Variants in NXPE2 observed in about 807,000 individuals in gnomAD.
NXPE2 encodes the protein neurexophilin and PC-esterase domain family member 2.
A neutral mutation model predicts 34.4 loss-of-function variants in NXPE2; 34 were observed. The ratio of observed to expected loss-of-function variants is 0.99; its 90% confidence interval spans 0.75 to 1.31. The LOEUF is 1.31. Among genes scored for constraint, NXPE2 ranks in the 40% most tolerant of loss-of-function variants. NXPE2 has a pLI of 0.00. For missense variants in NXPE2, 649 were observed against 672.5 expected (o/e 0.97, Z 0.39); for synonymous variants, 235 against 231.3 (o/e 1.02, Z -0.15).
intron 2 of NXPE2, among the ~76,000 whole-genome samples, chr11:114,690,635 C>A (rs1951132232): frequency 6.6e-6 from 1 of 152,120 alleles, no homozygotes; most frequent in South Asian, 2.1e-4. Flanking sequence ...ATCTGCATGT[C>A]AACCTTTCTA....
chr11:114,572,707 G>T, the NXPE2 span, among the ~76,000 whole-genome samples: 1 of 152,120 alleles, frequency 6.6e-6, no homozygotes, highest in Non-Finnish European at 1.5e-5. Context: ...CAAGAAGTTT[G>T]GGAGTATGCT....
chr11:114,746,368 CTTT>C, the NXPE2 span, among the ~76,000 whole-genome samples: 1 of 152,190 alleles, frequency 6.6e-6, no homozygotes, highest in Non-Finnish European at 1.5e-5. Flanking sequence ...AAAACAACAA[CTTT>C]TAAAACACCT....
the NXPE2 span, among the ~76,000 whole-genome samples, chr11:114,492,941 C>G: frequency 2.0e-5 from 3 of 152,130 alleles, no homozygotes; most frequent in Admixed American, 2.0e-4. Context: ...AGTTTTTGTT[C>G]TCTTTAGCTC....
the NXPE2 span, among the ~76,000 whole-genome samples, chr11:114,647,181 T>C: frequency 2.0e-5 from 3 of 152,230 alleles, no homozygotes; most frequent in Non-Finnish European, 4.4e-5. Context: ...AATGGATATT[T>C]ATCACTGCTA....
At chr11:114,582,687 G>C in the NXPE2 span, 5 of 1,614,116 alleles carry the variant, frequency 3.1e-6, no homozygotes, top group Middle Eastern at 3.3e-4. Flanking sequence ...CAGCGCTGGG[G>C]AAGACATCCT....
the NXPE2 span, among the ~76,000 whole-genome samples, chr11:114,476,610 G>GAAGC: frequency 3.3e-5 from 5 of 152,174 alleles, no homozygotes; most frequent in African/African-American, 1.2e-4. Context: ...AGGTGAAGGG[G>GAAGC]AAGCAAGCAC....
At chr11:114,807,764 T>C in the NXPE2 span, among the ~76,000 whole-genome samples, 4 of 151,828 alleles carry the variant, frequency 2.6e-5, no homozygotes, top group Non-Finnish European at 5.9e-5. Flanking sequence ...CACCCCACTG[T>C]CAACATTAGA....
chr11:114,743,552 A>C, the NXPE2 span, among the ~76,000 whole-genome samples: 1 of 151,772 alleles, frequency 6.6e-6, no homozygotes. Flanking sequence ...TAGAATTTAC[A>C]AAACTTGCAT....
the NXPE2 span, among the ~76,000 whole-genome samples, chr11:114,723,399 A>G: frequency 2.0e-5 from 3 of 152,180 alleles, no homozygotes; most frequent in East Asian, 5.8e-4. Context: ...TATTAATCCA[A>G]GGTGTGGAAA....
the NXPE2 span, among the ~76,000 whole-genome samples, chr11:114,742,214 G>C: frequency 1.3e-5 from 2 of 152,146 alleles, no homozygotes; most frequent in Non-Finnish European, 2.9e-5. Context: ...GGTTGTGCAG[G>C]AAGTCAGCAT....
At chr11:114,554,063 T>C in the NXPE2 span, 1 of 985,488 alleles carries the variant, frequency 1.0e-6, no homozygotes, top group Admixed American at 6.1e-5. Flanking sequence ...GTGAATGGTA[T>C]CCCAAATCAG....
At chr11:114,810,547 T>C in the NXPE2 span, among the ~76,000 whole-genome samples, 44 of 152,028 alleles carry the variant, frequency 2.9e-4, no homozygotes, top group Non-Finnish European at 5.1e-4. Flanking sequence ...AGACACTTCT[T>C]AAAAGAAGAC....
At chr11:114,725,972 A>ATATAT in the NXPE2 span, among the ~76,000 whole-genome samples, 383 of 14,254 alleles carry the variant, frequency 0.027, 6 homozygotes, top group South Asian at 0.054. Flanking sequence ...TATAATAAAA[A>ATATAT]AAAAATATAT....
the NXPE2 span, among the ~76,000 whole-genome samples, chr11:114,617,791 C>G: frequency 6.6e-6 from 1 of 152,026 alleles, no homozygotes; most frequent in Non-Finnish European, 1.5e-5. Flanking sequence ...TGTGGGTAAG[C>G]ACGGTTACCC....
At chr11:114,708,948 A>G (rs138883602), downstream of NXPE2, among the ~76,000 whole-genome samples, 6 of 152,284 alleles carry the variant, frequency 3.9e-5, no homozygotes, top group East Asian at 3.9e-4. Context: ...AAGTTTGTCT[A>G]TATCACTCTA....
the NXPE2 span, chr11:114,529,412 A>T: frequency 6.6e-6 from 1 of 152,266 alleles, no homozygotes; most frequent in South Asian, 2.1e-4. Flanking sequence ...GTTTCATTCT[A>T]ATCAACAAAG....
At chr11:114,744,487 G>T in the NXPE2 span, among the ~76,000 whole-genome samples, 4 of 152,092 alleles carry the variant, frequency 2.6e-5, no homozygotes, top group Admixed American at 2.0e-4. Flanking sequence ...GTTACTTAGA[G>T]TACAAAATCT....
the NXPE2 span, among the ~76,000 whole-genome samples, chr11:114,809,769 G>A: frequency 9.4e-6 from 1 of 105,870 alleles, no homozygotes; most frequent in Non-Finnish European, 2.0e-5. Context: ...TACTGCCCAA[G>A]GTAATTTATA....
At chr11:114,744,964 G>A in the NXPE2 span, among the ~76,000 whole-genome samples, 3 of 152,244 alleles carry the variant, frequency 2.0e-5, no homozygotes, top group South Asian at 6.2e-4. Context: ...TACATTAGCA[G>A]TTAATACAAA....
Sources: gnomAD v4.1 joint callset for allele counts (sites outside exome capture counted in the v4.1 genomes callset) on GRCh38, gnomAD v4.1.1 for gene constraint, MANE v1.5 for transcripts, NCBI Gene and HGNC (gene_info 2026-07-23, HGNC 2026-07-21) for gene names.